TPST1: variants seen among roughly 807,000 people sequenced by gnomAD.
The protein encoded by TPST1 is tyrosylprotein sulfotransferase 1.
Under a neutral mutation model 34.8 loss-of-function variants are expected in TPST1, and 20 were observed. That is an observed-to-expected ratio of 0.57 (90% CI 0.40 to 0.84). The LOEUF (loss-of-function observed/expected upper bound fraction) is 0.84, where lower values mean the gene tolerates loss of function less well. TPST1 is among the 40% of genes least tolerant of loss of function. TPST1 has a pLI of 0.00. For synonymous variants in TPST1, 152 were observed against 159.4 expected (o/e 0.95, Z 0.35); for missense variants, 353 against 455.5 (o/e 0.78, Z 2.05).
chr7:66,328,794 C>T (rs943384422), intron 3 of TPST1, among the ~76,000 whole-genome samples: 3 of 147,294 alleles, frequency 2.0e-5, no homozygotes, highest in East Asian at 4.0e-4. Flanking sequence ...ATCTGCCTGT[C>T]TTGGCCTCCC....
At chr7:66,207,627 T>A (rs566662810) in intron 1 of TPST1, among the ~76,000 whole-genome samples, 40 of 152,298 alleles carry the variant, frequency 2.6e-4, no homozygotes, top group African/African-American at 8.2e-4. Context: ...TTCTCTAATT[T>A]CCTTGTGTGA....
intron 2 of TPST1, among the ~76,000 whole-genome samples, chr7:66,243,873 G>A (rs1299208310): frequency 6.6e-6 from 1 of 151,106 alleles, no homozygotes. Flanking sequence ...TTATAATAAA[G>A]AATTTATTGC....
rs747257888 is a variant in TPST1, at chr7:66,286,537, T to G, written c.872T>G (p.Ile291Ser). 4 of 1,601,078 alleles carry G rather than the reference T, an allele frequency of 2.5e-6. No individual in the cohort carries two copies. Among genetic ancestry groups the G allele is most frequent in the Non-Finnish European group, 8.5e-7 (1 of 1,172,586 alleles). The change falls in exon 3 of 6, where the codon ATC (isoleucine) becomes AGC (serine). Residue 291 changes from isoleucine (I) to serine (S), a missense_variant. By Grantham distance (142) the Ile-to-Ser change is moderately radical (BLOSUM62 -2). Coordinates refer to ENST00000304842, the MANE Select transcript of TPST1 (RefSeq NM_003596.4). ...GTGGAGAGATCTACAGACCAAGTAA[T>G]CAAGCCAGTCAATGTAGGAGCTCTA... ...SKVERSTDQV[I>S]KPVNVGALSK... is the part of the protein sequence containing the mutation.
chr7:66,250,832 A>G (rs1790246804), intron 2 of TPST1, among the ~76,000 whole-genome samples: 1 of 152,218 alleles, frequency 6.6e-6, no homozygotes, highest in Non-Finnish European at 1.5e-5. Context: ...ACTTCAACGT[A>G]AGCACTGCGA....
chr7:66,230,059 G>A (rs1453184327), intron 1 of TPST1, among the ~76,000 whole-genome samples: 2 of 152,082 alleles, frequency 1.3e-5, no homozygotes, highest in African/African-American at 2.4e-5. Flanking sequence ...ATGGTGGCAC[G>A]CACCTGTAGT....
intron 1 of TPST1, among the ~76,000 whole-genome samples, chr7:66,234,200 A>G (rs563567847): frequency 3.7e-4 from 57 of 152,272 alleles, no homozygotes; most frequent in Middle Eastern, 3.4e-3. Context: ...TTCCCGTTAC[A>G]TGGCTTTTGC....
At chr7:66,231,602 C>T (rs988937009) in intron 1 of TPST1, among the ~76,000 whole-genome samples, 11 of 152,254 alleles carry the variant, frequency 7.2e-5, no homozygotes, top group Non-Finnish European at 1.0e-4. Context: ...CCTCATTGCC[C>T]GGGGCCGGCA....
chr7:66,322,394 ATTC>A (rs1386013102), intron 3 of TPST1, among the ~76,000 whole-genome samples: 1 of 152,130 alleles, frequency 6.6e-6, no homozygotes, highest in African/African-American at 2.4e-5. Flanking sequence ...ATAACTCTCC[ATTC>A]TTCTTCTCCC....
At position 66,328,906 on chromosome 7, in the gene TPST1, A is replaced by ATATAT. The variant is rs1299138303; in HGVS notation, c.1045-23598_1045-23597insATATT. Among the ~76,000 whole-genome samples the ATATAT allele has an allele frequency of 8.5e-3, 112 of 13,178 alleles. 6 individuals carry two copies. The highest frequency in any genetic ancestry group is 0.011 in the Non-Finnish European group (93 of 8,606). 8.6% of individuals were successfully genotyped at this position (13,178 alleles called of 152,430 possible). Reference sequence around the variant, plus strand: ...TCTCTCTATATATATATATATATATATTTTTTTTTTTTTTTTTTTTTTTGA... The same window carrying ATATAT: ...TCTCTCTATATATATATATATATATATATATTTTTTTTTTTTTTTTTTTTTTTTGA... On this transcript the variant is annotated intron_variant, in intron 3 of 5. Transcript: ENST00000304842.
chr7:66,345,489 C>CAAAAAAAAAA (rs58837242), intron 3 of TPST1, among the ~76,000 whole-genome samples: 3 of 64,868 alleles, frequency 4.6e-5, no homozygotes, highest in African/African-American at 6.6e-5. Context: ...ACTCCATCTC[C>CAAAAAAAAAA]AAAAAAAAAA....
At chr7:66,201,070 G>A (rs2116160808), upstream of TPST1, among the ~76,000 whole-genome samples, 1 of 152,214 alleles carries the variant, frequency 6.6e-6, no homozygotes, top group South Asian at 2.1e-4. Context: ...CTGATCACCT[G>A]GAAAGGTAAA....
intron 2 of TPST1, among the ~76,000 whole-genome samples, chr7:66,263,193 G>T (rs1007644700): frequency 6.6e-6 from 1 of 152,184 alleles, no homozygotes; most frequent in Non-Finnish European, 1.5e-5. Flanking sequence ...TTAGGGTAAA[G>T]GTGGGGGTGC....
At chr7:66,209,917 C>T (rs1406318616) in intron 1 of TPST1, among the ~76,000 whole-genome samples, 2 of 152,152 alleles carry the variant, frequency 1.3e-5, no homozygotes, top group Non-Finnish European at 2.9e-5. Flanking sequence ...AACCCTCTGC[C>T]TTGACTTCCC....
intron 3 of TPST1, among the ~76,000 whole-genome samples, chr7:66,333,311 C>T (rs1238099577): frequency 6.6e-6 from 1 of 152,222 alleles, no homozygotes; most frequent in African/African-American, 2.4e-5. Flanking sequence ...CATACCACCA[C>T]TGCCACAAGT....
upstream of TPST1, among the ~76,000 whole-genome samples, chr7:66,202,102 G>A (rs866272534): frequency 6.6e-6 from 1 of 152,108 alleles, no homozygotes; most frequent in African/African-American, 2.4e-5. Flanking sequence ...TATACACACT[G>A]TTTTGAACTT....
chr7:66,240,814 C>G lies in TPST1; in HGVS notation c.389C>G (p.Thr130Ser), dbSNP rs1366267942. The part of the protein sequence containing the change: ...EKIRLDEAGV[T>S]DEVLDSAMQA... ...ATCCGCCTGGATGAGGCTGGTGTTA[C>G]TGATGAAGTGCTGGATTCTGCCATG... The change falls in exon 2 of 6, where the codon ACT becomes AGT. Residue 130 changes from threonine to serine, a missense_variant. Thr to Ser is a moderately conservative substitution (Grantham distance 58). Transcript: ENST00000304842. 3 of 1,614,190 alleles carry G rather than the reference C, an allele frequency of 1.9e-6. No homozygotes were observed. The highest frequency in any genetic ancestry group is 2.5e-6 in the Non-Finnish European group (3 of 1,180,042).
chr7:66,315,875 C>T (rs1791622533), intron 3 of TPST1, among the ~76,000 whole-genome samples: 1 of 152,112 alleles, frequency 6.6e-6, no homozygotes, highest in African/African-American at 2.4e-5. Context: ...CTTTGGGAGG[C>T]CAAAGCAGGC....
At chr7:66,272,653 A>G (rs1790727287) in intron 2 of TPST1, among the ~76,000 whole-genome samples, 1 of 151,616 alleles carries the variant, frequency 6.6e-6, no homozygotes, top group African/African-American at 2.4e-5. Context: ...CAGTAGTGCA[A>G]TCACAGCTCA....
At chr7:66,208,361 AG>A (rs1349895551) in intron 1 of TPST1, among the ~76,000 whole-genome samples, 1 of 152,158 alleles carries the variant, frequency 6.6e-6, no homozygotes, top group African/African-American at 2.4e-5. Context: ...ACAGGCACCT[AG>A]GACTTTTTCT....
Sources: allele counts gnomAD v4.1 joint callset (sites outside exome capture counted in the v4.1 genomes callset), GRCh38; gene constraint gnomAD v4.1.1; transcripts MANE v1.5; gene names NCBI Gene and HGNC (gene_info 2026-07-23, HGNC 2026-07-21).